The following PHKA1 variants were observed in gnomAD, a reference collection of about 807,000 sequenced individuals.
The protein encoded by PHKA1 is phosphorylase b kinase regulatory subunit alpha, skeletal muscle isoform.
A neutral mutation model predicts 110.2 loss-of-function variants in PHKA1; 60 were observed. The observed-to-expected ratio is 0.54, with a 90% CI of 0.44 to 0.68. The LOEUF is 0.68. PHKA1 is among the 30% of genes least tolerant of loss of function. The pLI, the probability that PHKA1 is intolerant of heterozygous loss-of-function variation, is 0.00. For missense variants in PHKA1, 801 were observed against 942.5 expected (o/e 0.85, Z 1.97); for synonymous variants, 316 against 333.6 (o/e 0.95, Z 0.58).
At chrX:72,639,981 T>C (rs1556294271) in intron 14 of PHKA1, among the ~76,000 whole-genome samples, 1 of 112,007 alleles carries the variant, frequency 8.9e-6, no homozygotes, top group Non-Finnish European at 1.9e-5. Flanking sequence ...GCTGGAACGA[T>C]TGGTTACTTG....
intron 21 of PHKA1, among the ~76,000 whole-genome samples, chrX:72,612,215 C>A (rs2052821349): frequency 9.0e-6 from 1 of 111,488 alleles, no homozygotes; most frequent in African/African-American, 3.3e-5. Flanking sequence ...ATGAAAGAAG[C>A]CTGTCATAAA....
At chrX:72,664,929 A>G (rs73500360) in intron 8 of PHKA1, among the ~76,000 whole-genome samples, 2,659 of 111,375 alleles carry the variant, frequency 0.024, 70 homozygotes, top group African/African-American at 0.082. Context: ...AGTACTAAGA[A>G]GGAAGTTTAT....
At chrX:72,691,166 T>C (rs2054034624) in intron 4 of PHKA1, among the ~76,000 whole-genome samples, 2 of 112,941 alleles carry the variant, frequency 1.8e-5, no homozygotes, top group African/African-American at 6.4e-5. Flanking sequence ...GAAGAGACTA[T>C]TCTTTCCCCA....
At chrX:72,611,673 T>A (rs1439144975) in intron 21 of PHKA1, among the ~76,000 whole-genome samples, 1 of 112,105 alleles carries the variant, frequency 8.9e-6, no homozygotes, top group Non-Finnish European at 1.9e-5. Context: ...ATAGATGGCT[T>A]TTAAAGATAG....
intron 17 of PHKA1, among the ~76,000 whole-genome samples, chrX:72,624,210 T>C (rs1556281216): frequency 8.9e-6 from 1 of 111,988 alleles, no homozygotes; most frequent in African/African-American, 3.3e-5. Flanking sequence ...AAAGAGACTG[T>C]AGTAAATTCT....
intron 31 of PHKA1, 86 bp downstream of exon 31, chrX:72,582,312 G>T (rs74774453): frequency 1.2e-5 from 8 of 651,606 alleles, no homozygotes; most frequent in Non-Finnish European, 2.0e-5. Context: ...GCACAAGAAA[G>T]TGACCGTGGC....
chrX:72,622,085 G>A (rs1378546245), intron 18 of PHKA1: 1 of 736,201 alleles, frequency 1.4e-6, no homozygotes, highest in African/African-American at 2.3e-5. Context: ...TGTTATTACT[G>A]ATAACAGTAA....
intron 29 of PHKA1, among the ~76,000 whole-genome samples, chrX:72,587,457 C>T (rs1030623471): frequency 9.9e-5 from 11 of 111,591 alleles, no homozygotes; most frequent in East Asian, 8.4e-4. Context: ...AAGGAACAAC[C>T]GGTACCAGCC....
chrX:72,617,216 G>T (rs1000715772), intron 21 of PHKA1, among the ~76,000 whole-genome samples: 1 of 110,697 alleles, frequency 9.0e-6, no homozygotes, highest in South Asian at 3.8e-4. Context: ...TGAGAAGTTG[G>T]TTTTTTTGAA....
intron 8 of PHKA1, among the ~76,000 whole-genome samples, chrX:72,662,050 G>GCT (rs1473674300): frequency 2.7e-5 from 3 of 111,668 alleles, no homozygotes; most frequent in Non-Finnish European, 5.7e-5. Context: ...TAAGCAAAAG[G>GCT]CTCCCACCGT....
intron 2 of PHKA1, among the ~76,000 whole-genome samples, chrX:72,708,460 G>T (rs2054321829): frequency 9.0e-6 from 1 of 111,431 alleles, no homozygotes; most frequent in South Asian, 3.9e-4. Flanking sequence ...CCCATAGAGG[G>T]CCTTGTCTAT....
intron 8 of PHKA1, among the ~76,000 whole-genome samples, chrX:72,661,453 T>G (rs2053557577): frequency 9.0e-6 from 1 of 111,195 alleles, no homozygotes; most frequent in Non-Finnish European, 1.9e-5. Flanking sequence ...ACATTTGATT[T>G]TTGAAGTGTG....
At chrX:72,655,747 C>A (rs926855162) in intron 10 of PHKA1, among the ~76,000 whole-genome samples, 31 of 110,963 alleles carry the variant, frequency 2.8e-4, no homozygotes, top group Non-Finnish European at 4.9e-4. Context: ...CTCAGCCTCC[C>A]GAGTAGCTGG....
chrX:72,591,562 A>T lies in PHKA1; in HGVS notation c.3243+1542T>A, dbSNP rs964252386. ...GTACCCTAGAACTTAAAGTATAATTAAAAAAAAAGAAAAAAAAACCTTTAC... is the reference window on the plus strand; with the variant it reads ...GTACCCTAGAACTTAAAGTATAATTTAAAAAAAAGAAAAAAAAACCTTTAC... On this transcript the variant is annotated intron_variant, in intron 29 of 31. Transcript: ENST00000373542. 8.5e-5 allele frequency among the ~76,000 whole-genome samples: 9 copies of T among 106,433 alleles called. No homozygotes were observed. The East Asian group carries it at 8.5e-4, about 10-fold the overall frequency. 92.4% of individuals were successfully genotyped at this position (106,433 alleles called of 115,157 possible). A position where few individuals can be genotyped will look rare whatever the true frequency, so the allele number is the denominator to read the frequency against.
chrX:72,674,053 G>T (rs1411011344), intron 6 of PHKA1, among the ~76,000 whole-genome samples: 1 of 103,262 alleles, frequency 9.7e-6, no homozygotes, highest in Non-Finnish European at 2.0e-5. Context: ...GAGAGCATGT[G>T]GTGTTTGGAT....
Position 72,657,606 on chromosome X carries a change from T to A in PHKA1, c.900A>T (p.Gly300=), listed in dbSNP as rs782747451. The change falls in exon 9 of 32, where the codon GGA becomes GGT. Residue 300 remains glycine (G), a synonymous_variant. Transcript: ENST00000373542. ...RYGCCRFLRD[G]YKTPKEDPNR... ...AACCTACCTCTTTAGGAGTTTTATA[T>A]CCATCTCGTAGAAAGCGACAGCAAC... is the stretch of plus-strand genomic sequence containing the variant. 2 of 1,205,097 alleles carry A rather than the reference T, an allele frequency of 1.7e-6. No individual in the cohort carries two copies. Among genetic ancestry groups the A allele is most frequent in the Non-Finnish European group, 2.2e-6 (2 of 891,719 alleles).
Position 72,705,207 on chromosome X carries a change from C to A in PHKA1, c.276G>T (p.Met92Ile). The stretch of plus-strand genomic sequence containing the variant: ...GTTATCAATACCATACCTGTCTGAT[C>A]ATGCAGTGCAGTAGTCCTCTCATCA... Reference protein sequence around the residue: ...VKLMRGLLHCMIRQVDKVESF... With the variant: ...VKLMRGLLHCIIRQVDKVESF... Residue 92 changes from methionine to isoleucine, a missense_variant, in exon 3 of 32, where the codon ATG becomes ATT. By Grantham distance (10) the Met-to-Ile change is conservative. Around this residue, in one of 2 missense-constraint regions of PHKA1, gnomAD observed 299 missense variants for 423.3 expected, o/e 0.71. Coordinates refer to ENST00000373542, the MANE Select transcript of PHKA1 (RefSeq NM_002637.4). The A allele has an allele frequency of 8.4e-7, 1 of 1,190,260 alleles. No homozygotes were observed. Among genetic ancestry groups the A allele is most frequent in the South Asian group, 1.8e-5 (1 of 56,359 alleles).
At chrX:72,605,452 C>T (rs1461397373) in intron 24 of PHKA1, 52 bp from the exon 25 acceptor site, 2 of 1,184,546 alleles carry the variant, frequency 1.7e-6, no homozygotes, top group Non-Finnish European at 2.3e-6. Context: ...CTCACAATGC[C>T]TATTTTGTTG....
chrX:72,686,795 A>G (rs782657311), intron 4 of PHKA1, among the ~76,000 whole-genome samples: 74 of 112,128 alleles, frequency 6.6e-4, no homozygotes, highest in African/African-American at 2.2e-3. Flanking sequence ...TGTTCATCAT[A>G]TATCTATCCA....
Sources: allele counts gnomAD v4.1 joint callset (sites outside exome capture counted in the v4.1 genomes callset), GRCh38; gene constraint gnomAD v4.1.1; regional missense constraint gnomAD v4.1.1; transcripts MANE v1.5; gene names NCBI Gene and HGNC (gene_info 2026-07-23, HGNC 2026-07-21).